Variants in GALNT17 observed in about 807,000 individuals in gnomAD.
GALNT17 encodes the protein polypeptide N-acetylgalactosaminyltransferase 17.
In GALNT17, 29 loss-of-function variants were observed where a neutral mutation model predicts 63.7. That is an observed-to-expected ratio of 0.46 (90% CI 0.34 to 0.62). GALNT17 has a LOEUF of 0.62. GALNT17 is among the 20% of genes least tolerant of loss of function. The pLI is 0.01. For synonymous variants in GALNT17, 305 were observed against 318.3 expected (o/e 0.96, Z 0.45); for missense variants, 603 against 799.6 (o/e 0.75, Z 2.97).
At chr7:71,399,913 G>A (rs761233373) in intron 3 of GALNT17, among the ~76,000 whole-genome samples, 1 of 151,968 alleles carries the variant, frequency 6.6e-6, no homozygotes, top group Admixed American at 6.6e-5. Context: ...ATTTTTTAGA[G>A]GTTTGCCTAT....
At chr7:71,225,639 G>A (rs184372043) in intron 1 of GALNT17, among the ~76,000 whole-genome samples, 12 of 152,296 alleles carry the variant, frequency 7.9e-5, no homozygotes, top group Admixed American at 5.9e-4. Context: ...GTAACTTGTC[G>A]TTTGACTAAG....
intron 5 of GALNT17, among the ~76,000 whole-genome samples, chr7:71,458,079 C>T (rs1787386179): frequency 6.6e-6 from 1 of 152,114 alleles, no homozygotes; most frequent in Non-Finnish European, 1.5e-5. Context: ...AAGACAGCCA[C>T]AAGCAGAGAT....
chr7:71,239,081 A>G (rs1027686068), intron 1 of GALNT17, among the ~76,000 whole-genome samples: 5 of 152,172 alleles, frequency 3.3e-5, no homozygotes, highest in Non-Finnish European at 7.3e-5. Context: ...CGACAGTCCC[A>G]TTGCAATCTA....
intron 6 of GALNT17, among the ~76,000 whole-genome samples, chr7:71,652,819 C>G (rs550311975): frequency 4.1e-4 from 62 of 152,280 alleles, no homozygotes; most frequent in African/African-American, 1.2e-3. Flanking sequence ...GGTGGAACAT[C>G]ACTCTCTATG....
chr7:71,194,173 G>A (rs1388039039), intron 1 of GALNT17, among the ~76,000 whole-genome samples: 2 of 152,074 alleles, frequency 1.3e-5, no homozygotes, highest in Non-Finnish European at 2.9e-5. Context: ...AGCCTCCTGA[G>A]TAGCTGGGAC....
chr7:71,561,008 ATTTGTT>A (rs1023307372), intron 5 of GALNT17, among the ~76,000 whole-genome samples: 1 of 151,994 alleles, frequency 6.6e-6, no homozygotes, highest in African/African-American at 2.4e-5. Flanking sequence ...AAATGAGTGA[ATTTGTT>A]TTTGTTTTTG....
intron 6 of GALNT17, among the ~76,000 whole-genome samples, chr7:71,578,810 C>T (rs1789580955): frequency 6.6e-6 from 1 of 152,172 alleles, no homozygotes; most frequent in Admixed American, 6.5e-5. Flanking sequence ...CTCCTGATCC[C>T]CGCCCTAGCC....
chr7:71,378,114 T>C (rs1473035250), intron 2 of GALNT17, among the ~76,000 whole-genome samples: 1 of 152,180 alleles, frequency 6.6e-6, no homozygotes, highest in African/African-American at 2.4e-5. Flanking sequence ...CCAATATGAC[T>C]AATAGGCAGG....
intron 1 of GALNT17, among the ~76,000 whole-genome samples, chr7:71,153,388 A>G (rs746889845): frequency 7.2e-5 from 11 of 152,330 alleles, no homozygotes; most frequent in East Asian, 1.9e-4. Context: ...TCTTTGGAAC[A>G]AGACATTTGG....
intron 1 of GALNT17, among the ~76,000 whole-genome samples, chr7:71,238,081 T>C (rs1375220808): frequency 1.3e-5 from 2 of 152,202 alleles, no homozygotes; most frequent in South Asian, 2.1e-4. Flanking sequence ...ACTCCACTAT[T>C]TAATGTATTC....
At chr7:71,385,131 G>A (rs1792917030) in intron 2 of GALNT17, among the ~76,000 whole-genome samples, 1 of 152,162 alleles carries the variant, frequency 6.6e-6, no homozygotes, top group African/African-American at 2.4e-5. Context: ...GGGAGCTAGA[G>A]TTGAGGCAAG....
chr7:71,466,671 A>C (rs538823213), intron 5 of GALNT17, among the ~76,000 whole-genome samples: 5 of 152,072 alleles, frequency 3.3e-5, no homozygotes, highest in Non-Finnish European at 7.4e-5. Flanking sequence ...CATCTACATA[A>C]CAAGAGCTTT....
At chr7:71,650,742 A>G (rs1310766701) in intron 6 of GALNT17, among the ~76,000 whole-genome samples, 2 of 152,174 alleles carry the variant, frequency 1.3e-5, no homozygotes, top group Non-Finnish European at 2.9e-5. Context: ...CAGTAGAAGG[A>G]TGGAGGACAT....
chr7:71,575,396 T>G (rs2116886762), intron 6 of GALNT17, among the ~76,000 whole-genome samples: 1 of 151,772 alleles, frequency 6.6e-6, no homozygotes, highest in South Asian at 2.1e-4. Flanking sequence ...TTCTTGATTT[T>G]TTTTTTTTTT....
intron 9 of GALNT17, among the ~76,000 whole-genome samples, chr7:71,690,720 A>G (rs1791431409): frequency 1.3e-5 from 2 of 152,150 alleles, no homozygotes; most frequent in African/African-American, 4.8e-5. Context: ...GTGGATTCCA[A>G]CCCTCATGGA....
chr7:71,457,368 T>C (rs939371275), intron 5 of GALNT17, among the ~76,000 whole-genome samples: 1 of 152,124 alleles, frequency 6.6e-6, no homozygotes, highest in Non-Finnish European at 1.5e-5. Flanking sequence ...CTGGGGTTAT[T>C]TTGTTACCGG....
At chr7:71,237,049 A>G (rs1288965842) in intron 1 of GALNT17, among the ~76,000 whole-genome samples, 2 of 152,098 alleles carry the variant, frequency 1.3e-5, no homozygotes, top group Non-Finnish European at 2.9e-5. Context: ...ACAATGCACA[A>G]ACACGCTGCC....
rs191024124 is a variant in GALNT17 at position 71,294,327 on chromosome 7, G to A, written c.239-41223G>A. On this transcript the variant is annotated intron_variant, in intron 1 of 10. Transcript: ENST00000333538. ...TTTTGGTTATTATTTCTTTAAATAAGCTGGTTGCCCTTTTTGCTCTCTCTT... is the reference window on the plus strand; with the variant it reads ...TTTTGGTTATTATTTCTTTAAATAAACTGGTTGCCCTTTTTGCTCTCTCTT... Among the ~76,000 whole-genome samples, 23 of 151,614 alleles carry A rather than the reference G, an allele frequency of 1.5e-4. No homozygotes were observed. The East Asian group carries it at 4.5e-3, about 29-fold the overall frequency.
At chr7:71,695,121 C>T (rs1051399898) in intron 9 of GALNT17, among the ~76,000 whole-genome samples, 16 of 152,162 alleles carry the variant, frequency 1.1e-4, no homozygotes, top group Admixed American at 9.2e-4. Flanking sequence ...CCCTAGAAGT[C>T]GGAGTGGACT....
Sources: allele counts gnomAD v4.1 joint callset (sites outside exome capture counted in the v4.1 genomes callset), GRCh38; gene constraint gnomAD v4.1.1; transcripts MANE v1.5; gene names NCBI Gene and HGNC (gene_info 2026-07-23, HGNC 2026-07-21).